The following CTNNA2 variants were observed in gnomAD, a reference collection of about 807,000 sequenced individuals.
CTNNA2 encodes the protein catenin alpha-2.
CTNNA2 carries 42 observed loss-of-function variants against 101.0 expected under a neutral mutation model. That is an observed-to-expected ratio of 0.42 (90% CI 0.32 to 0.54). CTNNA2 has a LOEUF of 0.54. Among genes scored for constraint, CTNNA2 ranks in the 20% least tolerant of loss-of-function variants. The pLI is 0.14. For missense variants in CTNNA2, 871 were observed against 1,223.1 expected, an observed-to-expected ratio of 0.71 and a Z score of 4.29; for synonymous variants, 450 against 456.4, an observed-to-expected ratio of 0.99 and a Z score of 0.18.
intron 1 of CTNNA2, among the ~76,000 whole-genome samples, chr2:79,589,518 A>G (rs1573418225): frequency 6.6e-6 from 1 of 151,932 alleles, no homozygotes; most frequent in East Asian, 1.9e-4. Flanking sequence ...AAGGTAAGAC[A>G]TACATTATTG....
intron 7 of CTNNA2, among the ~76,000 whole-genome samples, chr2:80,141,494 A>T (rs1703007867): frequency 6.6e-6 from 1 of 152,078 alleles, no homozygotes; most frequent in Non-Finnish European, 1.5e-5. Context: ...CACCAAAGAT[A>T]AATATCCACC....
chr2:80,632,484 T>C (rs576150264), intron 18 of CTNNA2, among the ~76,000 whole-genome samples: 2 of 152,100 alleles, frequency 1.3e-5, no homozygotes, highest in Non-Finnish European at 2.9e-5. Context: ...CAAAGCCAAA[T>C]TTGAGGGCCC....
At chr2:79,881,495 C>T (rs1385938461) in intron 6 of CTNNA2, among the ~76,000 whole-genome samples, 4 of 152,088 alleles carry the variant, frequency 2.6e-5, no homozygotes, top group Non-Finnish European at 5.9e-5. Flanking sequence ...ATCCGGTGCT[C>T]TTGTATTGGG....
intron 7 of CTNNA2, among the ~76,000 whole-genome samples, chr2:80,102,124 C>T (rs980463205): frequency 2.2e-4 from 34 of 152,124 alleles, no homozygotes; most frequent in African/African-American, 8.0e-4. Context: ...GTACCTAGTG[C>T]CCGATATAAG....
rs17018662 is a variant in CTNNA2, at chr2:80,135,625, T to C, written c.1056+225828T>C. On this transcript the variant is annotated intron_variant, in intron 7 of 18. Coordinates refer to ENST00000402739, the MANE Select transcript of CTNNA2 (RefSeq NM_001282597.3). ...TCTGTCCTGACCTCAGATAGGCACTTGAGAACCATCCAGTTTAATGACTGA... is the reference window on the plus strand; with the variant it reads ...TCTGTCCTGACCTCAGATAGGCACTCGAGAACCATCCAGTTTAATGACTGA... Among the ~76,000 whole-genome samples the C allele has an allele frequency of 4.2e-3, 637 of 152,252 alleles. 2 individuals are homozygous for C. Among genetic ancestry groups the C allele is most frequent in the East Asian group, 0.021 (106 of 5,158 alleles).
chr2:80,444,291 A>C (rs1351306394), intron 9 of CTNNA2, among the ~76,000 whole-genome samples: 1 of 152,230 alleles, frequency 6.6e-6, no homozygotes, highest in African/African-American at 2.4e-5. Flanking sequence ...GAACCAGTAG[A>C]ATTTGTTTAT....
intron 1 of CTNNA2, among the ~76,000 whole-genome samples, chr2:79,536,936 G>A (rs1009005311): frequency 2.0e-5 from 3 of 151,882 alleles, no homozygotes; most frequent in South Asian, 2.1e-4. Context: ...TCCTGAGCTC[G>A]GACAATCCGC....
chr2:80,530,195 GCGTGAAATAACCCCAGGTGA>G (rs1472832729), intron 9 of CTNNA2, among the ~76,000 whole-genome samples: 17 of 152,286 alleles, frequency 1.1e-4, no homozygotes, highest in African/African-American at 3.6e-4. Context: ...TTCTGAGAGG[GCGTGAAATAACCCCAGGTGA>G]CGTGAAATAA....
intron 2 of CTNNA2, among the ~76,000 whole-genome samples, chr2:79,740,536 T>C (rs905406010): frequency 9.9e-5 from 15 of 152,156 alleles, no homozygotes; most frequent in Non-Finnish European, 2.2e-4. Context: ...TACAGGGCAT[T>C]GCAGGAAGAT....
In CTNNA2 at chr2:80,043,903, A is replaced by G. The variant is rs527495201; in HGVS notation, c.1056+134106A>G. On this transcript the variant is annotated intron_variant, in intron 7 of 18. Coordinates refer to ENST00000402739, the MANE Select transcript of CTNNA2 (RefSeq NM_001282597.3). The stretch of plus-strand genomic sequence containing the variant: ...TTTTATATACTAATTAGAATGGTGT[A>G]TGTGAGTGTGTGTGTGTTTGTGCAT... Among the ~76,000 whole-genome samples, 5 of 152,316 alleles carry G rather than the reference A, an allele frequency of 3.3e-5. No individual in the cohort carries two copies. The South Asian group carries it at 8.3e-4, about 25-fold the overall frequency.
rs544473857 is a variant in CTNNA2 at position 79,227,873 on chromosome 2, A to G, written c.-406+29797A>G. ...ATCTTACCACCCAGGCCATAAGCAT[A>G]GTACCCACCAAGTGGTTCTTCAACC... On this transcript the variant is annotated intron_variant, in intron 2 of 21. Transcript: ENST00000466387. Among the ~76,000 whole-genome samples the G allele has an allele frequency of 2.6e-5, 4 of 152,304 alleles. No homozygotes were observed. In the East Asian group the frequency reaches 7.7e-4, roughly 29 times the overall value.
chr2:80,412,583 G>T (rs1573979094), intron 8 of CTNNA2, among the ~76,000 whole-genome samples: 1 of 152,312 alleles, frequency 6.6e-6, no homozygotes, highest in South Asian at 2.1e-4. Flanking sequence ...TGGTGACCAT[G>T]AAAACTTATT....
At chr2:80,644,221 T>A (rs1673810594) in intron 18 of CTNNA2, among the ~76,000 whole-genome samples, 1 of 152,102 alleles carries the variant, frequency 6.6e-6, no homozygotes, top group Non-Finnish European at 1.5e-5. Flanking sequence ...TCCTCACTTA[T>A]TAAATGGGGA....
chr2:79,586,669 A>T (rs1332217214), intron 1 of CTNNA2, among the ~76,000 whole-genome samples: 1 of 151,934 alleles, frequency 6.6e-6, no homozygotes, highest in African/African-American at 2.4e-5. Context: ...TTTTTAACTT[A>T]ATGTTTAAAA....
rs1035050525 is a variant in CTNNA2, at chr2:79,817,220, T to A, written c.299-40793T>A. On this transcript the variant is annotated intron_variant, in intron 3 of 18. Coordinates refer to ENST00000402739, the MANE Select transcript of CTNNA2 (RefSeq NM_001282597.3). ...CCTCACAACAGTCCCTGGTGTGTGA[T>A]GTGAGGTCATCTCTTCATTTCACTT... 2.6e-5 allele frequency among the ~76,000 whole-genome samples: 4 copies of A among 152,014 alleles called. 1 individual carries two copies. In the South Asian group the frequency reaches 6.2e-4, roughly 24 times the overall value.
At chr2:79,662,838 T>TG (rs1344913486) in intron 2 of CTNNA2, among the ~76,000 whole-genome samples, 2 of 152,198 alleles carry the variant, frequency 1.3e-5, no homozygotes, top group Non-Finnish European at 2.9e-5. Context: ...AAGTCTTTCT[T>TG]GTAACATGGA....
At chr2:80,630,599 T>C (rs1672182264) in intron 18 of CTNNA2, among the ~76,000 whole-genome samples, 1 of 152,148 alleles carries the variant, frequency 6.6e-6, no homozygotes, top group Admixed American at 6.5e-5. Context: ...ATTGCGCCGC[T>C]ACACTCCAGC....
At chr2:79,783,301 A>G (rs1674595623) in intron 3 of CTNNA2, among the ~76,000 whole-genome samples, 1 of 152,168 alleles carries the variant, frequency 6.6e-6, no homozygotes, top group Non-Finnish European at 1.5e-5. Context: ...AACCAATGGC[A>G]ATAAATAATG....
At chr2:80,437,391 A>G (rs1206097842) in intron 9 of CTNNA2, among the ~76,000 whole-genome samples, 3 of 152,220 alleles carry the variant, frequency 2.0e-5, no homozygotes, top group African/African-American at 7.2e-5. Context: ...ATGGAAAACA[A>G]GGGTTTAACA....
Sources: allele counts gnomAD v4.1 joint callset (sites outside exome capture counted in the v4.1 genomes callset), GRCh38; gene constraint gnomAD v4.1.1; transcripts MANE v1.5; gene names NCBI Gene and HGNC (gene_info 2026-07-23, HGNC 2026-07-21).